Variants in ANP32A observed in about 807,000 individuals in gnomAD.
ANP32A encodes the protein acidic nuclear phosphoprotein 32 family member A.
Under a neutral mutation model 33.9 loss-of-function variants are expected in ANP32A, and 1 was observed. The observed-to-expected ratio is 0.03, with a 90% CI of 0.01 to 0.14. ANP32A has a LOEUF of 0.14. Ranked by LOEUF, ANP32A falls within the 10% of genes least tolerant of loss-of-function variation. ANP32A has a pLI of 1.00. For synonymous variants in ANP32A, 115 were observed against 120.5 expected (o/e 0.95, Z 0.30); for missense variants, 155 against 306.0 (o/e 0.51, Z 3.68).
intron 1 of ANP32A, among the ~76,000 whole-genome samples, chr15:68,793,538 G>C (rs1016370125): frequency 3.3e-5 from 5 of 152,172 alleles, no homozygotes; most frequent in Non-Finnish European, 5.9e-5. Flanking sequence ...GCCAGCAAGA[G>C]GTGTGGTGGC....
intron 1 of ANP32A, chr15:68,790,180 C>T (rs1046249808): frequency 9.2e-5 from 14 of 152,404 alleles, no homozygotes; most frequent in Middle Eastern, 3.4e-3. Context: ...TCCACCAAAG[C>T]AAGGCAAATA....
Position 68,787,353 on chromosome 15 carries a change from C to T in ANP32A, c.327+60G>A, listed in dbSNP as rs920201239. 10 of 1,608,404 alleles carry T rather than the reference C, an allele frequency of 6.2e-6. No homozygotes were observed. In the African/African-American group the frequency reaches 1.1e-4, roughly 17 times the overall value. ...AGGACAAATGCAAAAGTAGTATTTGCTGATGCCAATTCCTCCCACCTCCTA... is the reference window on the plus strand; with the variant it reads ...AGGACAAATGCAAAAGTAGTATTTGTTGATGCCAATTCCTCCCACCTCCTA... On this transcript the variant is annotated intron_variant, in intron 3 of 6. Coordinates refer to ENST00000465139, the MANE Select transcript of ANP32A (RefSeq NM_006305.4).
intron 1 of ANP32A, among the ~76,000 whole-genome samples, chr15:68,804,473 AAAAC>A (rs1450163906): frequency 1.6e-4 from 24 of 152,232 alleles, no homozygotes; most frequent in African/African-American, 4.8e-4. Context: ...CAAACAGTTA[AAAAC>A]AAACAAAACA....
At position 68,779,370 on chromosome 15, in the gene ANP32A, C is replaced by CTAAT. The variant is rs1893835119; in HGVS notation, c.*707_*710dup. ...GTTGAAGTTTGAAGGTGTGTTTCTT[C>CTAAT]TAATTTTAATTACCAAATCCATTTT... On this transcript the variant is annotated 3_prime_UTR_variant, in exon 7 of 7. Coordinates refer to ENST00000465139, the MANE Select transcript of ANP32A (RefSeq NM_006305.4). 1 of 151,774 alleles carries CTAAT rather than the reference C, an allele frequency of 6.6e-6. No individual in the cohort carries two copies. The highest frequency in any genetic ancestry group is 1.5e-5 in the Non-Finnish European group (1 of 67,946). The allele number at this position is 151,774 out of a possible 1,614,324, so 9.4% of individuals were successfully genotyped here. A position where few individuals can be genotyped will look rare whatever the true frequency, so the allele number is the denominator to read the frequency against.
intron 1 of ANP32A, among the ~76,000 whole-genome samples, chr15:68,808,013 C>T (rs1259591163): frequency 1.3e-5 from 2 of 152,158 alleles, no homozygotes; most frequent in East Asian, 3.9e-4. Context: ...TGTGAACAAT[C>T]CCATGGTGGT....
chr15:68,786,221 T>C (rs1479923815), intron 3 of ANP32A, among the ~76,000 whole-genome samples: 1 of 151,250 alleles, frequency 6.6e-6, no homozygotes, highest in African/African-American at 2.4e-5. Context: ...CTTTCCCTGA[T>C]TCTAAGATGC....
At chr15:68,794,299 A>T (rs1344918209) in intron 1 of ANP32A, among the ~76,000 whole-genome samples, 1 of 152,144 alleles carries the variant, frequency 6.6e-6, no homozygotes, top group Admixed American at 6.5e-5. Context: ...AGGCCTCTTA[A>T]CCTGTTGGGG....
chr15:68,795,720 G>T (rs1296428230), intron 1 of ANP32A, among the ~76,000 whole-genome samples: 2 of 152,208 alleles, frequency 1.3e-5, no homozygotes, highest in African/African-American at 4.8e-5. Flanking sequence ...CTTGCCAAAT[G>T]GGCCTGTTTA....
chr15:68,798,982 G>A (rs1296593006), intron 1 of ANP32A, among the ~76,000 whole-genome samples: 2 of 152,194 alleles, frequency 1.3e-5, no homozygotes, highest in Non-Finnish European at 2.9e-5. Flanking sequence ...ACCTAAGGCT[G>A]GGGCTGAAAG....
At chr15:68,793,665 T>C (rs767442237) in intron 1 of ANP32A, among the ~76,000 whole-genome samples, 9 of 152,096 alleles carry the variant, frequency 5.9e-5, no homozygotes, top group Non-Finnish European at 1.3e-4. Context: ...ACAGGCATGC[T>C]AAAGGCAGAT....
chr15:68,799,149 G>A (rs1349911123), intron 1 of ANP32A, among the ~76,000 whole-genome samples: 4 of 152,238 alleles, frequency 2.6e-5, no homozygotes, highest in Admixed American at 1.3e-4. Flanking sequence ...TGAAGGAAGT[G>A]CAAGAAATGC....
intron 1 of ANP32A, among the ~76,000 whole-genome samples, chr15:68,820,343 A>T (rs1894455433): frequency 6.6e-6 from 1 of 152,000 alleles, no homozygotes. Context: ...AGACGGAGTC[A>T]CGGGAGCAGC....
At chr15:68,820,599 C>T (rs1894459867) in intron 1 of ANP32A, 99 bp downstream of exon 1, 1 of 216,594 alleles carries the variant, frequency 4.6e-6, no homozygotes, top group Non-Finnish European at 9.0e-6. Context: ...CTCCCGGGCG[C>T]CCCCCCCCAA....
chr15:68,815,739 C>T (rs2140375653), intron 1 of ANP32A, among the ~76,000 whole-genome samples: 1 of 152,318 alleles, frequency 6.6e-6, no homozygotes, highest in East Asian at 1.9e-4. Context: ...TGTGGTTTTG[C>T]AGTGCGAGAA....
Position 68,804,182 on chromosome 15 carries a change from A to G in ANP32A, c.55-16263T>C, listed in dbSNP as rs567148649. Among the ~76,000 whole-genome samples the G allele has an allele frequency of 1.1e-4, 16 of 152,354 alleles. No individual in the cohort carries two copies. In the South Asian group the frequency reaches 2.1e-3, roughly 20 times the overall value. On this transcript the variant is annotated intron_variant, in intron 1 of 6. Transcript: ENST00000465139. ...GGAAAAGAAATGTAGCAGATTTTAT[A>G]ACAGAGAAGAGAAAGTAAAGTCAAG...
intron 1 of ANP32A, among the ~76,000 whole-genome samples, chr15:68,806,520 C>T (rs3743090): frequency 0.93 from 142,307 of 152,264 alleles, 66,933 homozygotes; most frequent in Non-Finnish European, 0.99. Context: ...CTCTAGAAGC[C>T]TTCCCAGACT....
Position 68,780,272 on chromosome 15 carries a change from C to G in ANP32A, c.689-130G>C. On this transcript the variant is annotated intron_variant, in intron 6 of 6. Transcript: ENST00000465139. This position sits in a 1 kb window ranked among gnomAD's most constrained non-coding sequence, Gnocchi z 4.3. Reference sequence around the variant, plus strand: ...ATCCTTGGAAACCGAGGCAAGACATCTGCACAGCTGGAAGGGGAATCTGAG... The same window carrying G: ...ATCCTTGGAAACCGAGGCAAGACATGTGCACAGCTGGAAGGGGAATCTGAG... The G allele has an allele frequency of 1.9e-6, 3 of 1,562,564 alleles. No homozygotes were observed. Among genetic ancestry groups the G allele is most frequent in the South Asian group, 2.4e-5 (2 of 84,900 alleles).
At chr15:68,809,463 A>T (rs1257026226) in intron 1 of ANP32A, among the ~76,000 whole-genome samples, 1 of 152,322 alleles carries the variant, frequency 6.6e-6, no homozygotes, top group East Asian at 1.9e-4. Flanking sequence ...TAGATGTTTA[A>T]ATGTATCCTT....
At chr15:68,814,788 G>A (rs993145105) in intron 1 of ANP32A, among the ~76,000 whole-genome samples, 2 of 146,178 alleles carry the variant, frequency 1.4e-5, no homozygotes, top group Admixed American at 1.3e-4. Context: ...GAGATTCCAG[G>A]ATTATCTGTC....
Sources: allele counts gnomAD v4.1 joint callset (sites outside exome capture counted in the v4.1 genomes callset), GRCh38; gene constraint gnomAD v4.1.1; non-coding constraint Gnocchi (gnomAD v3.1); transcripts MANE v1.5; gene names NCBI Gene and HGNC (gene_info 2026-07-23, HGNC 2026-07-21).